The following RP1 variants were observed in gnomAD, a reference collection of about 807,000 sequenced individuals.
RP1 encodes oxygen-regulated protein 1.
RP1 carries 16 observed loss-of-function variants against 14.8 expected under a neutral mutation model. That is an observed-to-expected ratio of 1.08 (90% CI 0.73 to 1.65). The LOEUF is 1.65. Among genes scored for constraint, RP1 ranks in the 40% most tolerant of loss-of-function variants. The pLI, the probability that RP1 is intolerant of heterozygous loss-of-function variation, is 0.00. For missense variants in RP1, 2,631 were observed against 2,535.0 expected, an observed-to-expected ratio of 1.04 and a Z score of -0.81; for synonymous variants, 876 against 883.6, an observed-to-expected ratio of 0.99 and a Z score of 0.15.
chr8:54,785,695 G>A (rs1810300678), intron 24 of RP1, among the ~76,000 whole-genome samples: 1 of 151,932 alleles, frequency 6.6e-6, no homozygotes, highest in South Asian at 2.1e-4. Context: ...ATTGACATTC[G>A]ATATTATCTG....
intron 23 of RP1, among the ~76,000 whole-genome samples, chr8:54,776,852 T>A (rs1041905814): frequency 6.6e-6 from 1 of 152,222 alleles, no homozygotes; most frequent in Non-Finnish European, 1.5e-5. Context: ...TGGAGTTGAA[T>A]GTACTAAATA....
At chr8:54,719,809 A>G (rs1808492264) in intron 15 of RP1, among the ~76,000 whole-genome samples, 1 of 152,230 alleles carries the variant, frequency 6.6e-6, no homozygotes. Flanking sequence ...CCACATTTTA[A>G]TGTTCTACAT....
chr8:54,624,870 A>G lies in RP1; in HGVS notation c.988A>G (p.Thr330Ala). 1 of 1,613,914 alleles carries G rather than the reference A, an allele frequency of 6.2e-7. No individual in the cohort carries two copies. The highest frequency in any genetic ancestry group is 8.5e-7 in the Non-Finnish European group (1 of 1,179,948). The change falls in exon 4 of 4, where the codon ACT (threonine) becomes GCT (alanine). Residue 330 changes from threonine to alanine, a missense_variant. Coordinates refer to ENST00000220676, the MANE Select transcript of RP1 (RefSeq NM_006269.2). ...ATCAATTATTTTTAATCAAGACGGC[A>G]CTATGACAGTTGAGATGAAAGTTCG... ...EKSIIFNQDG[T>A]MTVEMKVRFR...
chr8:54,644,647 T>A (rs1271762394), intron 3 of RP1, among the ~76,000 whole-genome samples: 1 of 152,210 alleles, frequency 6.6e-6, no homozygotes, highest in Non-Finnish European at 1.5e-5. Context: ...TCTAGAAAGC[T>A]TTAGGTATTT....
chr8:54,569,055 T>A (rs1804467804), intron 1 of RP1, among the ~76,000 whole-genome samples: 1 of 152,236 alleles, frequency 6.6e-6, no homozygotes, highest in Non-Finnish European at 1.5e-5. Flanking sequence ...ACTCAATAAA[T>A]ATTAGCTGTT....
intron 27 of RP1, among the ~76,000 whole-genome samples, chr8:54,860,264 T>C (rs1812313999): frequency 6.7e-6 from 1 of 149,082 alleles, no homozygotes; most frequent in Non-Finnish European, 1.5e-5. Flanking sequence ...AAAATACTGA[T>C]TTTTTTTTTA....
At chr8:54,609,290 G>A (rs919050963) in intron 1 of RP1, among the ~76,000 whole-genome samples, 2 of 151,486 alleles carry the variant, frequency 1.3e-5, no homozygotes, top group Non-Finnish European at 1.5e-5. Context: ...GTGAGACCCA[G>A]TCTTAAAAAA....
chr8:54,665,707 AG>A (rs1185042134), intron 7 of RP1, among the ~76,000 whole-genome samples: 1 of 152,168 alleles, frequency 6.6e-6, no homozygotes, highest in Non-Finnish European at 1.5e-5. Flanking sequence ...TCTTAGAGAC[AG>A]GTGGGTCAGC....
intron 26 of RP1, among the ~76,000 whole-genome samples, chr8:54,853,481 G>A (rs533885432): frequency 6.6e-6 from 1 of 152,286 alleles, no homozygotes; most frequent in South Asian, 2.1e-4. Flanking sequence ...AGCAGTGATG[G>A]GAGCAGCCTT....
At position 54,656,333 on chromosome 8, in the gene RP1, A is replaced by G. The variant is rs995837827; in HGVS notation, c.1171+118A>G. On this transcript the variant is annotated intron_variant, in intron 6 of 22. Transcript: ENST00000636932. ...AATGATTAAGGACTGCCAGTTTCTT[A>G]TCACTTACCTCTCTGATGTGGCAGC... 4 of 1,011,570 alleles carry G rather than the reference A, an allele frequency of 4.0e-6. No individual in the cohort carries two copies. The African/African-American group carries it at 6.6e-5, about 17-fold the overall frequency. 62.7% of individuals were successfully genotyped at this position (1,011,570 alleles called of 1,614,324 possible).
intron 24 of RP1, among the ~76,000 whole-genome samples, chr8:54,820,110 C>T (rs919304002): frequency 2.6e-5 from 4 of 152,022 alleles, no homozygotes; most frequent in East Asian, 1.9e-4. Context: ...CTGGCATCAG[C>T]GTCTTTAGGA....
At chr8:54,759,027 A>G (rs1216425664) in exon 22 of RP1, 1 of 1,535,660 alleles carries the variant, frequency 6.5e-7, no homozygotes. Context: ...TGAACAAGTC[A>G]TAGTCAGAGA....
chr8:54,851,266 G>GCACAAAAAAAGAAACAGAAATAAATAAAC (rs1812055697), intron 25 of RP1, among the ~76,000 whole-genome samples: 1 of 152,100 alleles, frequency 6.6e-6, no homozygotes, highest in East Asian at 1.9e-4. Context: ...TCAATATGGA[G>GCACAAAAAAAGAAACAGAAATAAATAAAC]TTTGTGTTCT....
chr8:54,604,474 A>G (rs1805376217), intron 1 of RP1, among the ~76,000 whole-genome samples: 1 of 152,194 alleles, frequency 6.6e-6, no homozygotes, highest in Admixed American at 6.5e-5. Context: ...ATCGATGTTC[A>G]TCAGGGATAT....
In RP1 at chr8:54,752,890, A is replaced by C. The variant is rs190097050; in HGVS notation, c.2809-1913A>C. 3.9e-5 allele frequency among the ~76,000 whole-genome samples: 6 copies of C among 152,374 alleles called. No individual in the cohort carries two copies. In the East Asian group the frequency reaches 9.6e-4, roughly 24 times the overall value. On this transcript the variant is annotated intron_variant, in intron 19 of 22. Coordinates refer to the RP1 transcript ENST00000636932. ...ATATAATCCAAAGAGAACATTTCCA[A>C]GTTCAGTAGAATATATTATACTAAC...
At chr8:54,653,194 G>A (rs1270702977) in intron 5 of RP1, among the ~76,000 whole-genome samples, 2 of 152,144 alleles carry the variant, frequency 1.3e-5, no homozygotes, top group Non-Finnish European at 2.9e-5. Context: ...ATGTTGTAAA[G>A]ATAGACCACT....
intron 14 of RP1, among the ~76,000 whole-genome samples, chr8:54,702,474 C>T (rs1374328317): frequency 1.3e-5 from 2 of 152,090 alleles, no homozygotes; most frequent in Non-Finnish European, 2.9e-5. Flanking sequence ...AATGTACATA[C>T]CTTAATTTAA....
chr8:54,787,617 C>A (rs1810353389), intron 24 of RP1, among the ~76,000 whole-genome samples: 1 of 152,062 alleles, frequency 6.6e-6, no homozygotes, highest in Non-Finnish European at 1.5e-5. Flanking sequence ...AAATAGTATT[C>A]TCCGTTGCTG....
At chr8:54,812,449 C>T (rs1811021008) in intron 24 of RP1, among the ~76,000 whole-genome samples, 1 of 152,250 alleles carries the variant, frequency 6.6e-6, no homozygotes. Context: ...CCTTTGTTTG[C>T]TTTTAAAATG....
Sources: allele counts gnomAD v4.1 joint callset (sites outside exome capture counted in the v4.1 genomes callset), GRCh38; gene constraint gnomAD v4.1.1; transcripts MANE v1.5; gene names NCBI Gene and HGNC (gene_info 2026-07-23, HGNC 2026-07-21).